The following ANKRD36C variants were observed in gnomAD, a reference collection of about 807,000 sequenced individuals.
ANKRD36C encodes the protein ankyrin repeat domain 36C.
In ANKRD36C, 61 loss-of-function variants were observed where a neutral mutation model predicts 276.4. That is an observed-to-expected ratio of 0.22 (90% CI 0.18 to 0.27). The LOEUF is 0.27. ANKRD36C is among the 10% of genes least tolerant of loss of function. The pLI is 1.00. For missense variants in ANKRD36C, 1,447 were observed against 2,032.3 expected, an observed-to-expected ratio of 0.71 and a Z score of 5.54; for synonymous variants, 483 against 680.1, an observed-to-expected ratio of 0.71 and a Z score of 4.51.
intron 60 of ANKRD36C, among the ~76,000 whole-genome samples, chr2:95,866,134 G>C (rs1675678985): frequency 6.6e-6 from 1 of 151,884 alleles, no homozygotes; most frequent in African/African-American, 2.4e-5. Context: ...ATAGACAAAA[G>C]GAAACTCAAA....
intron 59 of ANKRD36C, chr2:95,875,926 C>T: frequency 2.5e-6 from 1 of 400,204 alleles, no homozygotes; most frequent in Non-Finnish European, 5.0e-6. Context: ...TCTTGATAGC[C>T]AGTTGGGTTG....
chr2:95,886,914 T>TA, intron 50 of ANKRD36C, among the ~76,000 whole-genome samples: 1 of 151,858 alleles, frequency 6.6e-6, no homozygotes, highest in Middle Eastern at 3.4e-3. Flanking sequence ...CAAAGTATAA[T>TA]ATATAACCTC....
chr2:95,954,564 C>G (rs1051101885), intron 13 of ANKRD36C, among the ~76,000 whole-genome samples: 15 of 90,978 alleles, frequency 1.6e-4, no homozygotes, highest in African/African-American at 5.7e-4. Context: ...CTACAGGGAG[C>G]CCCCCTGAAA....
chr2:95,910,701 G>T (rs1409949344), intron 42 of ANKRD36C, 133 bp from the exon 45 acceptor site: 9 of 1,504,262 alleles, frequency 6.0e-6, no homozygotes, highest in African/African-American at 1.4e-5. Context: ...TCTACTTTGT[G>T]TCTGGGGACT....
At chr2:95,908,402 GA>G in intron 42 of ANKRD36C, 99 bp downstream of exon 48, 1 of 1,208,098 alleles carries the variant, frequency 8.3e-7, no homozygotes, top group South Asian at 1.4e-5. Flanking sequence ...TGCTGAATCA[GA>G]ATGTGCAGCT....
At chr2:95,941,854 A>T (rs1449601344) in intron 19 of ANKRD36C, among the ~76,000 whole-genome samples, 26 of 150,436 alleles carry the variant, frequency 1.7e-4, no homozygotes, top group African/African-American at 6.3e-4. Flanking sequence ...TTCCAAAAGT[A>T]TAGGGCAGAC....
chr2:95,911,845 A>C (rs1573758956), intron 42 of ANKRD36C, among the ~76,000 whole-genome samples: 1 of 151,542 alleles, frequency 6.6e-6, no homozygotes. Context: ...CTCCTTCTAC[A>C]GTGTCTATGG....
At chr2:95,907,615 T>C (rs1160815542) in intron 42 of ANKRD36C, 2 of 141,824 alleles carry the variant, frequency 1.4e-5, no homozygotes, top group African/African-American at 2.6e-5. Flanking sequence ...GCAATATTCA[T>C]TGAAAATGAC....
intron 44 of ANKRD36C, among the ~76,000 whole-genome samples, chr2:95,896,522 A>C (rs1202240404): frequency 2.7e-5 from 4 of 148,838 alleles, no homozygotes; most frequent in African/African-American, 5.0e-5. Flanking sequence ...TCCTTGAACA[A>C]GGAAGCAAAT....
intron 13 of ANKRD36C, among the ~76,000 whole-genome samples, chr2:95,955,284 T>C (rs543498818): frequency 6.6e-6 from 1 of 152,404 alleles, no homozygotes; most frequent in African/African-American, 2.4e-5. Flanking sequence ...GGAGACTCTT[T>C]CCAGTGGCTC....
In ANKRD36C at chr2:95,981,228, G is replaced by T. The variant is rs534979468; in HGVS notation, c.594-443C>A. ...AGTAGTAGTCGTAGCTTCAGTTAAT[G>T]ATGCTCATAAGCATGTGCTAGGCAT... On this transcript the variant is annotated intron_variant, in intron 4 of 66. Coordinates refer to ENST00000456556, the Ensembl canonical transcript of ANKRD36C. Among the ~76,000 whole-genome samples, 9 of 151,634 alleles carry T rather than the reference G, an allele frequency of 5.9e-5. 1 individual carries two copies. The East Asian group carries it at 1.4e-3, about 23-fold the overall frequency.
At position 95,987,934 on chromosome 2, in the gene ANKRD36C, T is replaced by C. The variant is rs138966244; in HGVS notation, c.198-728A>G. Among the ~76,000 whole-genome samples, 598 of 152,196 alleles carry C rather than the reference T, an allele frequency of 3.9e-3. 5 individuals carry two copies. The highest frequency in any genetic ancestry group is 6.1e-3 in the Non-Finnish European group (413 of 67,986). ...TCTCTTATATAAGCTACTATTCTCTTATATATTAACATCTCCTAACATTGG... is the reference window on the plus strand; with the variant it reads ...TCTCTTATATAAGCTACTATTCTCTCATATATTAACATCTCCTAACATTGG... On this transcript the variant is annotated intron_variant, in intron 1 of 66. Coordinates refer to ENST00000456556, the Ensembl canonical transcript of ANKRD36C.
intron 42 of ANKRD36C, among the ~76,000 whole-genome samples, chr2:95,911,980 C>T (rs758805849): frequency 1.3e-5 from 2 of 151,446 alleles, no homozygotes; most frequent in Non-Finnish European, 3.0e-5. Flanking sequence ...CAAAACTATG[C>T]TGTACCCCAG....
intron 61 of ANKRD36C, 52 bp downstream of exon 81, chr2:95,859,809 G>A (rs1002270826): frequency 4.4e-5 from 67 of 1,535,438 alleles, no homozygotes; most frequent in Middle Eastern, 2.3e-4. Flanking sequence ...CTCCTTATAC[G>A]TCTTTAATAT....
At chr2:95,896,029 C>A (rs192942946) in intron 44 of ANKRD36C, among the ~76,000 whole-genome samples, 3 of 146,486 alleles carry the variant, frequency 2.0e-5, no homozygotes, top group South Asian at 2.2e-4. Context: ...CTTTAACTTG[C>A]CCAATAACTG....
At chr2:95,897,125 C>A (rs4907219) in intron 44 of ANKRD36C, 145 bp downstream of exon 60, 298,339 of 1,058,340 alleles carry the variant, frequency 0.28, 48,222 homozygotes, top group East Asian at 0.45. Flanking sequence ...ATCATCATCA[C>A]CCACAAACTT....
chr2:95,902,926 A>C (rs1355110774), intron 42 of ANKRD36C: 3 of 1,589,582 alleles, frequency 1.9e-6, no homozygotes, highest in Non-Finnish European at 2.6e-6. Flanking sequence ...CTCTGGCTAT[A>C]TTCAAAAGAG....
At chr2:95,923,430 T>G in intron 32 of ANKRD36C, 65 bp downstream of exon 32, 1 of 1,569,518 alleles carries the variant, frequency 6.4e-7, no homozygotes, top group South Asian at 1.2e-5. Context: ...GCTGATTTAT[T>G]CAGGGAAGAG....
rs1332330127 is a variant in ANKRD36C, at chr2:95,914,322, T to A, written c.2450-19A>T. The A allele has an allele frequency of 6.5e-7, 1 of 1,546,424 alleles. No individual in the cohort carries two copies. Among genetic ancestry groups the A allele is most frequent in the Non-Finnish European group, 8.7e-7 (1 of 1,144,398 alleles). ...GAAGTCACTGAAAAGTAAAAGGGAT[T>A]CATAATCACTCATATGTAAAAATGA... On this transcript the variant is annotated intron_variant, in intron 38 of 66. Coordinates refer to ENST00000456556, the Ensembl canonical transcript of ANKRD36C.
Sources: gnomAD v4.1 joint callset for allele counts (sites outside exome capture counted in the v4.1 genomes callset) on GRCh38, gnomAD v4.1.1 for gene constraint, MANE v1.5 for transcripts, NCBI Gene and HGNC (gene_info 2026-07-23, HGNC 2026-07-21) for gene names.